SYT2: variants seen among roughly 807,000 people sequenced by gnomAD.
SYT2 encodes synaptotagmin 2.
A neutral mutation model predicts 39.9 loss-of-function variants in SYT2; 15 were observed. The ratio of observed to expected loss-of-function variants is 0.38; its 90% CI spans 0.25 to 0.58. The LOEUF is 0.58. Among genes scored for constraint, SYT2 ranks in the 20% least tolerant of loss-of-function variants. SYT2 has a pLI of 0.70. For missense variants in SYT2, 389 were observed against 530.3 expected (o/e 0.73, Z 2.62); for synonymous variants, 181 against 204.5 (o/e 0.89, Z 0.98).
chr1:202,705,520 C>A (rs1654226342), intron 1 of SYT2, among the ~76,000 whole-genome samples: 1 of 152,206 alleles, frequency 6.6e-6, no homozygotes, highest in South Asian at 2.1e-4. Flanking sequence ...CAGCAGGTAA[C>A]CCCCCTTTCT....
chr1:202,706,752 TCTGA>T (rs1464152636), intron 1 of SYT2, among the ~76,000 whole-genome samples: 3 of 152,198 alleles, frequency 2.0e-5, no homozygotes, highest in African/African-American at 4.8e-5. Context: ...GCCTGGCTTC[TCTGA>T]CTGAGTGGAA....
intron 1 of SYT2, among the ~76,000 whole-genome samples, chr1:202,678,626 G>C (rs982561850): frequency 1.3e-5 from 2 of 152,022 alleles, no homozygotes; most frequent in Non-Finnish European, 2.9e-5. Context: ...GGCCTCGAGA[G>C]GTACTGTCCT....
At chr1:202,653,085 G>A (rs1025759173) in intron 1 of SYT2, among the ~76,000 whole-genome samples, 9 of 151,806 alleles carry the variant, frequency 5.9e-5, no homozygotes, top group East Asian at 1.9e-4. Flanking sequence ...TTGCATGAGC[G>A]GCTTGACATC....
chr1:202,683,071 G>A lies in SYT2; in HGVS notation c.-18+27187C>T, dbSNP rs367557482. On this transcript the variant is annotated intron_variant, in intron 1 of 8. Transcript: ENST00000367268. ...GATGCCATGTACGCCCACCAGAATGGCTAAAGTAAAAAGACAGAGAATACC... is the reference window on the plus strand; with the variant it reads ...GATGCCATGTACGCCCACCAGAATGACTAAAGTAAAAAGACAGAGAATACC... Among the ~76,000 whole-genome samples the A allele has an allele frequency of 1.4e-4, 22 of 152,310 alleles. No homozygotes were observed. In the East Asian group the frequency reaches 3.3e-3, roughly 23 times the overall value.
At chr1:202,707,965 G>T (rs1302467917) in intron 1 of SYT2, among the ~76,000 whole-genome samples, 1 of 152,134 alleles carries the variant, frequency 6.6e-6, no homozygotes, top group Non-Finnish European at 1.5e-5. Context: ...AGGGTAGAAG[G>T]AATAAAACGA....
chr1:202,606,156 T>C (rs1396261691), intron 1 of SYT2, among the ~76,000 whole-genome samples: 1 of 152,142 alleles, frequency 6.6e-6, no homozygotes, highest in Non-Finnish European at 1.5e-5. Flanking sequence ...ACACTTTCCA[T>C]GCATTATTCA....
intron 1 of SYT2, among the ~76,000 whole-genome samples, chr1:202,618,102 A>G (rs554610826): frequency 4.6e-4 from 70 of 152,220 alleles, no homozygotes; most frequent in African/African-American, 1.6e-3. Flanking sequence ...GGGTTTCACC[A>G]TGTTGGCCAG....
At chr1:202,646,979 T>C (rs12409072) in intron 1 of SYT2, among the ~76,000 whole-genome samples, 120,064 of 152,208 alleles carry the variant, frequency 0.79, 47,551 homozygotes, top group Admixed American at 0.81. Flanking sequence ...AGGTCTGCCG[T>C]CCAAGCACAG....
Position 202,613,067 on chromosome 1 carries a change from C to CTTTTTTTT in SYT2, c.-17-7279_-17-7278insAAAAAAAA, listed in dbSNP as rs1690930669. On this transcript the variant is annotated intron_variant, in intron 1 of 8. Transcript: ENST00000367268. ...CACATTGCCGAACTCATTGGTTCTTCCTTTTTTTTTTTTTTTTTTTTTTTT... is the reference window on the plus strand; with the variant it reads ...CACATTGCCGAACTCATTGGTTCTTCTTTTTTTTCTTTTTTTTTTTTTTTTTTTTTTTT... Among the ~76,000 whole-genome samples the CTTTTTTTT allele has an allele frequency of 3.3e-5, 4 of 121,604 alleles. 2 individuals are homozygous for CTTTTTTTT. The highest frequency in any genetic ancestry group is 5.8e-5 in the African/African-American group (2 of 34,232). The allele number at this position is 121,604 out of a possible 152,430, so 79.8% of individuals were successfully genotyped here. A position where few individuals can be genotyped will look rare whatever the true frequency, so the allele number is the denominator to read the frequency against.
intron 1 of SYT2, among the ~76,000 whole-genome samples, chr1:202,650,068 G>C (rs1692162034): frequency 6.6e-6 from 1 of 152,216 alleles, no homozygotes; most frequent in African/African-American, 2.4e-5. Context: ...CAGACATGTA[G>C]GCCATCTAAG....
At chr1:202,602,195 A>G in intron 5 of SYT2, 138 bp from the exon 6 acceptor site, 1 of 538,662 alleles carries the variant, frequency 1.9e-6, no homozygotes, top group Non-Finnish European at 3.2e-6. Context: ...GCTTTTGGGG[A>G]GCAGAGTGTG....
intron 1 of SYT2, among the ~76,000 whole-genome samples, chr1:202,653,449 G>C (rs1692226693): frequency 6.6e-6 from 1 of 152,060 alleles, no homozygotes; most frequent in South Asian, 2.1e-4. Context: ...CAGGGGACTG[G>C]TCCCATACCT....
Position 202,678,273 on chromosome 1 carries a change from C to CAAAA in SYT2, c.-18+31981_-18+31984dup, listed in dbSNP as rs773123862. 2.8e-3 allele frequency among the ~76,000 whole-genome samples: 85 copies of CAAAA among 30,708 alleles called. 4 individuals carry two copies. Among genetic ancestry groups the CAAAA allele is most frequent in the African/African-American group, 9.8e-3 (78 of 7,966 alleles). The allele number at this position is 30,708 out of a possible 152,430, so 20.1% of individuals were successfully genotyped here. A position where few individuals can be genotyped will look rare whatever the true frequency, so the allele number is the denominator to read the frequency against. ...TGAGTGACAGAGCGAGACTCTGTCT[C>CAAAA]AAAAAAAAAAAAAAAAAAAAAAAAA... On this transcript the variant is annotated intron_variant, in intron 1 of 8. Transcript: ENST00000367268.
chr1:202,668,045 A>AGCACC, intron 1 of SYT2, among the ~76,000 whole-genome samples: 1 of 152,314 alleles, frequency 6.6e-6, no homozygotes, highest in South Asian at 2.1e-4. Context: ...TCTCAGCACC[A>AGCACC]TCAAAGCCTA....
chr1:202,599,437 C>A lies in SYT2; in HGVS notation c.920-86G>T. 1 of 1,447,972 alleles carries A rather than the reference C, an allele frequency of 6.9e-7. No homozygotes were observed. Among genetic ancestry groups the A allele is most frequent in the Non-Finnish European group, 9.2e-7 (1 of 1,086,180 alleles). 89.7% of individuals were successfully genotyped at this position (1,447,972 alleles called of 1,614,324 possible). ...ATGTACCAAGGCCTGCCCAGAGCAT[C>A]GGTCAAGAGGGGGTCTTCACTCCGC... is the stretch of plus-strand genomic sequence containing the variant. On this transcript the variant is annotated intron_variant, in intron 7 of 8. Transcript: ENST00000367268. This position sits in a 1 kb window ranked among gnomAD's most constrained non-coding sequence, Gnocchi z 4.4.
intron 1 of SYT2, among the ~76,000 whole-genome samples, chr1:202,654,549 T>C (rs111247766): frequency 0.044 from 6,630 of 152,282 alleles, 479 homozygotes; most frequent in African/African-American, 0.15. Flanking sequence ...TTCTCAGCAT[T>C]GGGGAGTTAA....
chr1:202,638,034 C>T (rs1691789811), intron 1 of SYT2, among the ~76,000 whole-genome samples: 1 of 152,252 alleles, frequency 6.6e-6, no homozygotes, highest in Non-Finnish European at 1.5e-5. Flanking sequence ...GAAGTCCTTC[C>T]TTGTACCTCA....
intron 1 of SYT2, among the ~76,000 whole-genome samples, chr1:202,610,146 C>T (rs994829167): frequency 1.5e-4 from 23 of 152,288 alleles, no homozygotes; most frequent in African/African-American, 5.3e-4. Flanking sequence ...AATAGGGAAT[C>T]GTTTCCCCAT....
At chr1:202,650,129 G>A (rs1692163493) in intron 1 of SYT2, among the ~76,000 whole-genome samples, 1 of 152,222 alleles carries the variant, frequency 6.6e-6, no homozygotes, top group Admixed American at 6.5e-5. Flanking sequence ...ATTGGGGCTG[G>A]GCTCAGAGGA....
Sources: allele counts gnomAD v4.1 joint callset (sites outside exome capture counted in the v4.1 genomes callset), GRCh38; gene constraint gnomAD v4.1.1; non-coding constraint Gnocchi (gnomAD v3.1); transcripts MANE v1.5; gene names NCBI Gene and HGNC (gene_info 2026-07-23, HGNC 2026-07-21).